Variants in RSPO3 observed in about 807,000 individuals in gnomAD.
RSPO3 encodes R-spondin 3, also known as R-spondin-3.
Under a neutral mutation model 36.5 loss-of-function variants are expected in RSPO3, and 17 were observed. The ratio of observed to expected loss-of-function variants is 0.47; its 90% confidence interval spans 0.32 to 0.70. The LOEUF (loss-of-function observed/expected upper bound fraction) is 0.70. RSPO3 is among the 30% of genes least tolerant of loss of function. The pLI is 0.04. For missense variants in RSPO3, 294 were observed against 322.5 expected (o/e 0.91, Z 0.68); for synonymous variants, 108 against 107.0 (o/e 1.01, Z -0.06).
chr6:127,159,358 G>C (rs1671926051), intron 4 of RSPO3, among the ~76,000 whole-genome samples: 1 of 152,144 alleles, frequency 6.6e-6, no homozygotes, highest in African/African-American at 2.4e-5. Flanking sequence ...TCTTGGGATA[G>C]AAAGGAGAGA....
chr6:127,170,434 T>A (rs28665516), intron 4 of RSPO3, among the ~76,000 whole-genome samples: 1 of 148,892 alleles, frequency 6.7e-6, no homozygotes, highest in African/African-American at 2.5e-5. Context: ...GTTCCACACA[T>A]ACACACACAC....
chr6:127,184,124 G>A (rs1775242892), intron 4 of RSPO3, among the ~76,000 whole-genome samples: 1 of 151,902 alleles, frequency 6.6e-6, no homozygotes, highest in Non-Finnish European at 1.5e-5. Flanking sequence ...CACACATGGG[G>A]ATTATAGGAA....
chr6:127,122,004 T>C (rs568666220), intron 1 of RSPO3, among the ~76,000 whole-genome samples: 1 of 152,168 alleles, frequency 6.6e-6, no homozygotes. Context: ...TACAAAAAAT[T>C]TAATGGTCTC....
At chr6:127,119,448 T>G (rs1377675424) in intron 1 of RSPO3, among the ~76,000 whole-genome samples, 159 bp downstream of exon 1, 1 of 152,146 alleles carries the variant, frequency 6.6e-6, no homozygotes, top group East Asian at 1.9e-4. Flanking sequence ...GACGGCGTCT[T>G]TCACCCTTGC....
chr6:127,187,616 T>C (rs1442419989), intron 4 of RSPO3, among the ~76,000 whole-genome samples: 4 of 152,134 alleles, frequency 2.6e-5, no homozygotes, highest in Non-Finnish European at 5.9e-5. Flanking sequence ...GATCAAGAAA[T>C]TGTCTACATG....
At chr6:127,160,970 T>G (rs1029197528) in intron 4 of RSPO3, among the ~76,000 whole-genome samples, 23 of 152,160 alleles carry the variant, frequency 1.5e-4, no homozygotes, top group African/African-American at 5.6e-4. Context: ...TCTCCTTAGC[T>G]ATATTACTCA....
At chr6:127,155,160 T>C (rs1183633954) in intron 3 of RSPO3, 81 bp from the exon 4 acceptor site, 3 of 1,407,668 alleles carry the variant, frequency 2.1e-6, no homozygotes, top group Non-Finnish European at 3.0e-6. Flanking sequence ...CAAGTTCTGA[T>C]GGAAGCAAAT....
At position 127,196,010 on chromosome 6, in the gene RSPO3, G is replaced by T. The variant is rs376942590; in HGVS notation, c.*3G>T. ...TATCAGTCAGCACTGTACACTAGAG[G>T]GTTCCATGAGATTATTGTAGACTCA... On this transcript the variant is annotated 3_prime_UTR_variant, in exon 5 of 5. Transcript: ENST00000356698. 5 of 1,597,258 alleles carry T rather than the reference G, an allele frequency of 3.1e-6. No individual in the cohort carries two copies. The African/African-American group carries it at 5.4e-5, about 17-fold the overall frequency.
chr6:127,134,113 T>C (rs1191377988), intron 1 of RSPO3, among the ~76,000 whole-genome samples: 2 of 152,040 alleles, frequency 1.3e-5, no homozygotes, highest in African/African-American at 4.8e-5. Flanking sequence ...CAAGACCACA[T>C]ATGGGGATGA....
Position 127,196,155 on chromosome 6 carries a change from A to T in RSPO3, c.*148A>T, listed in dbSNP as rs1037255183. 7 of 559,758 alleles carry T rather than the reference A, an allele frequency of 1.3e-5. No individual in the cohort carries two copies. The highest frequency in any genetic ancestry group is 7.6e-5 in the African/African-American group (4 of 52,570). 34.7% of individuals were successfully genotyped at this position (559,758 alleles called of 1,614,324 possible). A position where few individuals can be genotyped will look rare whatever the true frequency, so the allele number is the denominator to read the frequency against. ...TCCCAGTAGTTGCTATATTCTTCAT[A>T]CAAGCATAGTTAACAACAAAGAGCC... On this transcript the variant is annotated 3_prime_UTR_variant, in exon 5 of 5. Coordinates refer to ENST00000356698, the MANE Select transcript of RSPO3 (RefSeq NM_032784.5).
At chr6:127,183,595 ATATT>A (rs1284856531) in intron 4 of RSPO3, among the ~76,000 whole-genome samples, 1 of 152,022 alleles carries the variant, frequency 6.6e-6, no homozygotes, top group Non-Finnish European at 1.5e-5. Context: ...AAAGGGAACA[ATATT>A]TATCTTTTTC....
rs1417905676 is a variant in RSPO3, at chr6:127,197,396, TC to T, written c.*1391del. 19 of 1,549,722 alleles carry T rather than the reference TC, an allele frequency of 1.2e-5. No homozygotes were observed. The highest frequency in any genetic ancestry group is 1.7e-5 in the Non-Finnish European group (19 of 1,146,670). On this transcript the variant is annotated 3_prime_UTR_variant, in exon 5 of 5. Transcript: ENST00000356698. ...ATCTTCAACATTTAGTCTTTTCTTCTCCATATTTTCTATCTGTGGATCTCTT... is the reference window on the plus strand; with the variant it reads ...ATCTTCAACATTTAGTCTTTTCTTCTCATATTTTCTATCTGTGGATCTCTT...
intron 3 of RSPO3, among the ~76,000 whole-genome samples, chr6:127,153,520 ACTAT>A (rs1305937720): frequency 6.6e-6 from 1 of 152,066 alleles, no homozygotes; most frequent in Non-Finnish European, 1.5e-5. Context: ...CTCCAATGAA[ACTAT>A]CTAAGGTTGT....
At chr6:127,167,694 T>A (rs374406679) in intron 4 of RSPO3, among the ~76,000 whole-genome samples, 1 of 152,020 alleles carries the variant, frequency 6.6e-6, no homozygotes, top group African/African-American at 2.4e-5. Flanking sequence ...ATGTGCCATG[T>A]TGGTGTGCTG....
At chr6:127,177,490 T>A (rs747246455) in intron 4 of RSPO3, among the ~76,000 whole-genome samples, 6 of 151,826 alleles carry the variant, frequency 4.0e-5, no homozygotes, top group Non-Finnish European at 8.8e-5. Flanking sequence ...AGGATTGCGA[T>A]GTAATCTGGA....
chr6:127,139,446 A>C (rs1892170), intron 1 of RSPO3, among the ~76,000 whole-genome samples: 4,630 of 152,226 alleles, frequency 0.03, 134 homozygotes, highest in Middle Eastern at 0.12. Context: ...ATGTGAAGTT[A>C]GTAGTTATGG....
rs776959115 is a variant in RSPO3, at chr6:127,197,387, C to A, written c.*1380C>A. ...TCCCCCTGCATCTTCAACATTTAGT[C>A]TTTTCTTCTCCATATTTTCTATCTG... On this transcript the variant is annotated 3_prime_UTR_variant, in exon 5 of 5. Coordinates refer to ENST00000356698, the MANE Select transcript of RSPO3 (RefSeq NM_032784.5). 1.3e-6 allele frequency: 2 copies of A among 1,549,106 alleles called. No individual in the cohort carries two copies. The highest frequency in any genetic ancestry group is 2.4e-5 in the South Asian group (2 of 83,930).
At chr6:127,181,152 C>A (rs1184909925) in intron 4 of RSPO3, among the ~76,000 whole-genome samples, 5 of 151,826 alleles carry the variant, frequency 3.3e-5, no homozygotes, top group African/African-American at 1.2e-4. Flanking sequence ...TTTCTAACTT[C>A]AAAGCCCAAG....
At chr6:127,190,923 T>C (rs1775397148) in intron 4 of RSPO3, among the ~76,000 whole-genome samples, 1 of 152,174 alleles carries the variant, frequency 6.6e-6, no homozygotes, top group Non-Finnish European at 1.5e-5. Flanking sequence ...AAAGCAACTC[T>C]TTTTTTCATA....
Sources: gnomAD v4.1 joint callset for allele counts (sites outside exome capture counted in the v4.1 genomes callset) on GRCh38, gnomAD v4.1.1 for gene constraint, MANE v1.5 for transcripts, NCBI Gene and HGNC (gene_info 2026-07-23, HGNC 2026-07-21) for gene names.